LRRC37A2: variants seen among roughly 807,000 people sequenced by gnomAD.
LRRC37A2 encodes the protein leucine-rich repeat-containing protein 37A2.
LRRC37A2 carries 9 observed loss-of-function variants against 68.8 expected under a neutral mutation model. The observed-to-expected ratio is 0.13, with a 90% CI of 0.08 to 0.23. The LOEUF (loss-of-function observed/expected upper bound fraction) is 0.23. Ranked by LOEUF, LRRC37A2 falls within the 10% of genes least tolerant of loss-of-function variation. The probability of loss-of-function intolerance (pLI) is 1.00; values close to 1 mark genes in which losing one functional copy is unlikely to be tolerated. For missense variants in LRRC37A2, 168 were observed against 950.4 expected (o/e 0.18, Z 10.82); for synonymous variants, 63 against 367.6 (o/e 0.17, Z 9.48).
the LRRC37A2 span, among the ~76,000 whole-genome samples, chr17:46,784,917 A>G: frequency 6.6e-6 from 1 of 151,734 alleles, no homozygotes; most frequent in Non-Finnish European, 1.5e-5. Context: ...CTGGGACTAC[A>G]GGCACCCGCC....
chr17:47,018,819 G>A, the LRRC37A2 span: 1,437 of 1,520,752 alleles, frequency 9.4e-4, 6 homozygotes, highest in African/African-American at 0.016. Context: ...GACTCAAGCC[G>A]CAGTTCAACC....
chr17:47,021,906 G>T, the LRRC37A2 span: 1 of 1,522,366 alleles, frequency 6.6e-7, no homozygotes, highest in Non-Finnish European at 9.1e-7. Context: ...AAAGTGTACA[G>T]TTGGACCGAG....
intron 6 of LRRC37A2, among the ~76,000 whole-genome samples, chr17:46,539,213 A>G (rs1249141824): frequency 1.4e-5 from 1 of 69,188 alleles, no homozygotes; most frequent in African/African-American, 4.4e-5. Flanking sequence ...TCCATCTCAG[A>G]AAAAAAAAAA....
the LRRC37A2 span, among the ~76,000 whole-genome samples, chr17:47,031,101 T>G: frequency 6.6e-6 from 1 of 150,440 alleles, no homozygotes; most frequent in Admixed American, 6.7e-5. Flanking sequence ...GTAAATCTCT[T>G]GAATGAAGCC....
At chr17:46,525,587 AAAT>A (rs1219756396) in intron 6 of LRRC37A2, among the ~76,000 whole-genome samples, 17 of 66,682 alleles carry the variant, frequency 2.5e-4, no homozygotes, top group African/African-American at 6.0e-4. Context: ...ACTCTGTCTC[AAAT>A]AATAATAATA....
chr17:46,923,427 C>A, the LRRC37A2 span: 2 of 1,433,478 alleles, frequency 1.4e-6, no homozygotes, highest in Admixed American at 5.7e-5. Context: ...GGCCTGGAGA[C>A]GTGGGGCAGA....
chr17:46,726,413 T>G, the LRRC37A2 span: 1 of 794,704 alleles, frequency 1.3e-6, no homozygotes, highest in African/African-American at 1.7e-5. Flanking sequence ...GTGTGTCAAT[T>G]CTAATTTATT....
chr17:46,675,659 C>T, the LRRC37A2 span, among the ~76,000 whole-genome samples: 98,433 of 129,872 alleles, frequency 0.76, 38,216 homozygotes, highest in East Asian at 0.96. Context: ...CACACACACA[C>T]ACACGAACAT....
At chr17:46,777,378 C>T in the LRRC37A2 span, among the ~76,000 whole-genome samples, 20 of 152,230 alleles carry the variant, frequency 1.3e-4, no homozygotes, top group African/African-American at 4.8e-4. Flanking sequence ...CAAGGGGCTC[C>T]CTGCTTCCTG....
the LRRC37A2 span, chr17:46,721,971 C>T: frequency 2.5e-6 from 4 of 1,604,628 alleles, no homozygotes; most frequent in East Asian, 2.2e-5. Context: ...AGTTGAGGAA[C>T]GGGAACAAAG....
the LRRC37A2 span, among the ~76,000 whole-genome samples, chr17:47,036,690 T>C: frequency 3.3e-5 from 5 of 150,966 alleles, no homozygotes; most frequent in Non-Finnish European, 7.4e-5. Flanking sequence ...TTCTATTCTA[T>C]TGATTTATTT....
chr17:46,505,682 C>CA, the LRRC37A2 span, among the ~76,000 whole-genome samples: 4 of 42,658 alleles, frequency 9.4e-5, no homozygotes, highest in African/African-American at 3.3e-4. Flanking sequence ...TGCCTGGTCT[C>CA]AAACTCCTGG....
At chr17:46,781,898 C>A in the LRRC37A2 span, among the ~76,000 whole-genome samples, 1 of 152,192 alleles carries the variant, frequency 6.6e-6, no homozygotes, top group African/African-American at 2.4e-5. Context: ...GGTCACACAG[C>A]TGGCTGCCCA....
the LRRC37A2 span, among the ~76,000 whole-genome samples, chr17:46,492,537 G>C: frequency 6.7e-6 from 1 of 150,158 alleles, no homozygotes; most frequent in Non-Finnish European, 1.5e-5. Context: ...AAATACCTAG[G>C]AGTATGATTT....
the LRRC37A2 span, among the ~76,000 whole-genome samples, chr17:46,844,826 C>T: frequency 6.6e-6 from 1 of 151,766 alleles, no homozygotes; most frequent in Non-Finnish European, 1.5e-5. Flanking sequence ...TTCCTTCCTT[C>T]CTTCCTCTTT....
intron 11 of LRRC37A2, among the ~76,000 whole-genome samples, chr17:46,551,034 G>A (rs1198900114): frequency 6.7e-6 from 1 of 149,900 alleles, no homozygotes; most frequent in Admixed American, 6.6e-5. Context: ...CTACAGAGTA[G>A]CCATCTTTTA....
chr17:46,935,046 A>G, the LRRC37A2 span: 3 of 1,612,896 alleles, frequency 1.9e-6, no homozygotes, highest in African/African-American at 2.7e-5. Context: ...ACACCACCAT[A>G]CCAATGGACG....
the LRRC37A2 span, among the ~76,000 whole-genome samples, chr17:46,789,490 G>A: frequency 6.6e-6 from 1 of 152,232 alleles, no homozygotes; most frequent in Non-Finnish European, 1.5e-5. Flanking sequence ...AAGTGTGACA[G>A]TAGAATGGTA....
chr17:46,936,811 C>T, the LRRC37A2 span: 1 of 984,260 alleles, frequency 1.0e-6, no homozygotes, highest in Admixed American at 6.2e-5. Flanking sequence ...TTTCTCTGAT[C>T]TCTGATGGCA....
Sources: allele counts gnomAD v4.1 joint callset (sites outside exome capture counted in the v4.1 genomes callset), GRCh38; gene constraint gnomAD v4.1.1; transcripts MANE v1.5; gene names NCBI Gene and HGNC (gene_info 2026-07-23, HGNC 2026-07-21).